The following CTSB variants were observed in gnomAD, a reference collection of about 807,000 sequenced individuals.
CTSB encodes APP secretase.
In CTSB, 57 loss-of-function variants were observed where a neutral mutation model predicts 44.3. That is an observed-to-expected ratio of 1.29 (90% CI 1.04 to 1.60). The LOEUF is 1.60. Among genes scored for constraint, CTSB ranks in the 40% most tolerant of loss-of-function variants. CTSB has a pLI of 0.00. For missense variants in CTSB, 768 were observed against 443.0 expected, an observed-to-expected ratio of 1.73 and a Z score of -6.59; for synonymous variants, 320 against 168.0, an observed-to-expected ratio of 1.91 and a Z score of -7.00.
intron 6 of CTSB, 69 bp from the exon 7 acceptor site, chr8:11,847,891 C>A: frequency 7.0e-6 from 10 of 1,427,910 alleles, no homozygotes; most frequent in African/African-American, 2.0e-5. Flanking sequence ...GCAAGGCAAG[C>A]CTCGTGCCTG....
intron 9 of CTSB, 38 bp downstream of exon 9, chr8:11,845,623 A>C (rs991366992): frequency 1.2e-6 from 2 of 1,601,330 alleles, no homozygotes; most frequent in Non-Finnish European, 1.7e-6. Context: ...TGTGGCTCAC[A>C]ATTCACTGTT....
chr8:11,862,969 C>G (rs896071267), intron 1 of CTSB, among the ~76,000 whole-genome samples: 10 of 152,196 alleles, frequency 6.6e-5, no homozygotes, highest in Non-Finnish European at 8.8e-5. Flanking sequence ...ACAGATAACA[C>G]AGTCAAGACT....
At chr8:11,853,620 G>A (rs1586148174) in intron 1 of CTSB, 141 bp from the exon 2 acceptor site, 1 of 798,170 alleles carries the variant, frequency 1.3e-6, no homozygotes, top group East Asian at 2.9e-5. Context: ...GAGCTGAGGT[G>A]TCTATGGGAT....
chr8:11,858,176 C>G (rs1210176727), intron 1 of CTSB, among the ~76,000 whole-genome samples: 3 of 152,246 alleles, frequency 2.0e-5, no homozygotes, highest in African/African-American at 2.4e-5. Flanking sequence ...AGGAAGGGCA[C>G]TCGCTCCAGC....
At chr8:11,852,795 C>T in intron 2 of CTSB, 100 bp from the exon 3 acceptor site, 1 of 1,051,944 alleles carries the variant, frequency 9.5e-7, no homozygotes, top group Non-Finnish European at 1.4e-6. Context: ...ACCAGAGACC[C>T]TACCCAATTC....
rs932257668 is a variant in CTSB, at chr8:11,844,621, A to C, written c.*504T>G. On this transcript the variant is annotated 3_prime_UTR_variant, in exon 10 of 10. Transcript: ENST00000353047. ...AATCATGCTGAGCACAAGATCAGAG[A>C]GGTTGTGACATTGCAAACTCGATAG... 3.2e-5 allele frequency: 5 copies of C among 154,504 alleles called. No individual in the cohort carries two copies. The highest frequency in any genetic ancestry group is 9.6e-5 in the African/African-American group (4 of 41,490). 9.6% of individuals were successfully genotyped at this position (154,504 alleles called of 1,614,324 possible).
At chr8:11,859,298 AC>A (rs1816006659) in intron 1 of CTSB, among the ~76,000 whole-genome samples, 1 of 152,040 alleles carries the variant, frequency 6.6e-6, no homozygotes, top group Non-Finnish European at 1.5e-5. Flanking sequence ...CCCCCGGCAA[AC>A]GGCACCCTAG....
intron 1 of CTSB, among the ~76,000 whole-genome samples, chr8:11,866,034 AAAG>A (rs1817097554): frequency 6.7e-6 from 1 of 149,144 alleles, no homozygotes; most frequent in Non-Finnish European, 1.5e-5. Flanking sequence ...AAAAAAAAAG[AAAG>A]AAAAAGAAAT....
At chr8:11,849,372 C>G (rs1465175182) in intron 4 of CTSB, 1 of 398,332 alleles carries the variant, frequency 2.5e-6, no homozygotes, top group Non-Finnish European at 4.8e-6. Flanking sequence ...TCTTGAACTC[C>G]CGGGTTCAAG....
rs62495676 is a variant in CTSB at position 11,842,652 on chromosome 8, G to C, written c.*2473C>G. 1 of 149,898 alleles carries C rather than the reference G, an allele frequency of 6.7e-6. No individual in the cohort carries two copies. Among genetic ancestry groups the C allele is most frequent in the Non-Finnish European group, 1.5e-5 (1 of 67,518 alleles). The allele number at this position is 149,898 out of a possible 1,614,324, so 9.3% of individuals were successfully genotyped here. A position where few individuals can be genotyped will look rare whatever the true frequency, so the allele number is the denominator to read the frequency against. ...ATCTTTCTTTTTCTTTTTTTTTTTG[G>C]TGAGACACAGATTCACTCTTGTCCC... On this transcript the variant is annotated 3_prime_UTR_variant, in exon 10 of 10. Transcript: ENST00000353047.
At chr8:11,852,186 TA>T (rs1342991663) in intron 3 of CTSB, among the ~76,000 whole-genome samples, 1 of 152,016 alleles carries the variant, frequency 6.6e-6, no homozygotes, top group Non-Finnish European at 1.5e-5. Context: ...GCCTGGCCAG[TA>T]TGGCGAAACC....
intron 3 of CTSB, 120 bp from the exon 4 acceptor site, chr8:11,851,100 G>T (rs11985225): frequency 1.0e-5 from 5 of 490,154 alleles, no homozygotes; most frequent in Non-Finnish European, 1.5e-5. Context: ...AAGACATGCC[G>T]AAGAAGGCTG....
intron 1 of CTSB, among the ~76,000 whole-genome samples, chr8:11,859,625 A>T (rs1190842982): frequency 6.6e-6 from 1 of 151,850 alleles, no homozygotes; most frequent in Non-Finnish European, 1.5e-5. Flanking sequence ...AAAATTAGCC[A>T]GGCACGGTGG....
chr8:11,851,364 A>G lies in CTSB; in HGVS notation c.213-384T>C, dbSNP rs560670159. Among the ~76,000 whole-genome samples the G allele has an allele frequency of 4.0e-3, 612 of 151,816 alleles. 6 individuals are homozygous for G. Among genetic ancestry groups the G allele is most frequent in the African/African-American group, 0.014 (578 of 41,374 alleles). Reference sequence around the variant, plus strand: ...ACCACCACACCCGGCTAATTTTTGTATTTTTAGTAAAGACAGGGTTTCACC... The same window carrying G: ...ACCACCACACCCGGCTAATTTTTGTGTTTTTAGTAAAGACAGGGTTTCACC... On this transcript the variant is annotated intron_variant, in intron 3 of 9. Transcript: ENST00000353047.
intron 1 of CTSB, among the ~76,000 whole-genome samples, chr8:11,855,089 C>CGTTT (rs1309474180): frequency 6.6e-6 from 1 of 152,208 alleles, no homozygotes; most frequent in Non-Finnish European, 1.5e-5. Flanking sequence ...ATGGCATGAT[C>CGTTT]TCGGCTCACT....
intron 1 of CTSB, among the ~76,000 whole-genome samples, chr8:11,856,251 G>C (rs1006491643): frequency 1.3e-5 from 2 of 152,004 alleles, no homozygotes; most frequent in East Asian, 3.9e-4. Context: ...AAATCTGCAT[G>C]TCCTGGAAAT....
At chr8:11,867,227 CT>C (rs1160712479) in intron 1 of CTSB, 1 of 152,306 alleles carries the variant, frequency 6.6e-6, no homozygotes, top group Non-Finnish European at 1.5e-5. Context: ...CAGAGGCCAA[CT>C]CCCCCCGGCC....
chr8:11,844,852 A>G lies in CTSB; in HGVS notation c.*273T>C, dbSNP rs887863957. The G allele has an allele frequency of 2.4e-6, 1 of 421,442 alleles. No homozygotes were observed. The highest frequency in any genetic ancestry group is 4.4e-5 in the South Asian group (1 of 22,978). 26.1% of individuals were successfully genotyped at this position (421,442 alleles called of 1,614,324 possible). A position where few individuals can be genotyped will look rare whatever the true frequency, so the allele number is the denominator to read the frequency against. ...ATGGATGGATCACGGAGGGGGCCAC[A>G]GTCAGCTGGGGCAGCAGGTACTCCC... is the stretch of plus-strand genomic sequence containing the variant. On this transcript the variant is annotated 3_prime_UTR_variant, in exon 10 of 10. Transcript: ENST00000353047.
chr8:11,848,230 C>A (rs1165708429), intron 5 of CTSB, 78 bp from the exon 6 acceptor site: 1 of 1,338,842 alleles, frequency 7.5e-7, no homozygotes, highest in South Asian at 1.2e-5. Context: ...TACCCAAGTG[C>A]CCGAGGCCAC....
Sources: allele counts gnomAD v4.1 joint callset (sites outside exome capture counted in the v4.1 genomes callset), GRCh38; gene constraint gnomAD v4.1.1; transcripts MANE v1.5; gene names NCBI Gene and HGNC (gene_info 2026-07-23, HGNC 2026-07-21).